ACOT11: variants seen among roughly 807,000 people sequenced by gnomAD.
ACOT11 encodes the protein acyl-CoA thioesterase 11.
In ACOT11, 69 loss-of-function variants were observed where a neutral mutation model predicts 77.5. The observed-to-expected ratio is 0.89, with a 90% confidence interval of 0.73 to 1.09. The LOEUF (loss-of-function observed/expected upper bound fraction) is 1.09, where lower values mean the gene tolerates loss of function less well. ACOT11 is among the 50% of genes least tolerant of loss of function. The pLI is 0.00. For missense variants in ACOT11, 766 were observed against 813.7 expected, an observed-to-expected ratio of 0.94 and a Z score of 0.71; for synonymous variants, 279 against 313.0, an observed-to-expected ratio of 0.89 and a Z score of 1.15.
Position 54,609,096 on chromosome 1 carries a change from G to C in ACOT11, c.1769G>C (p.Ser590Thr). ...GACAACCGGAATGATCTGGCCCCCA[G>C]CCTCCAGACCCTCTAGATGCCCTCA... The part of the protein sequence containing the change: ...LLDNRNDLAP[S>T]LQTL The change falls in exon 16 of 16, where the codon AGC becomes ACC. Residue 590 changes from serine to threonine, a missense_variant. Coordinates refer to ENST00000343744, the MANE Select transcript of ACOT11 (RefSeq NM_147161.4). 3 of 1,614,092 alleles carry C rather than the reference G, an allele frequency of 1.9e-6. No individual in the cohort carries two copies. Among genetic ancestry groups the C allele is most frequent in the Non-Finnish European group, 2.5e-6 (3 of 1,180,014 alleles).
Position 54,607,141 on chromosome 1 carries a change from GAGCTAGTGC to G in ACOT11, c.1382_1390del (p.Leu461_Gln463del). On this transcript the variant is annotated inframe_deletion, in exon 14 of 16. Coordinates refer to ENST00000343744, the MANE Select transcript of ACOT11 (RefSeq NM_147161.4). The surrounding 1 kb of genome is among the most constrained non-coding windows in gnomAD (Gnocchi z 4.5). The stretch of plus-strand genomic sequence containing the variant: ...ATCCCGGCCTCCCCACAGGAGCGTG[GAGCTAGTGC>G]AGCAGGTAGACGAGGACGACGCCAT... 1 of 1,614,110 alleles carries G rather than the reference GAGCTAGTGC, an allele frequency of 6.2e-7. No homozygotes were observed. Among genetic ancestry groups the G allele is most frequent in the Non-Finnish European group, 8.5e-7 (1 of 1,180,000 alleles).
intron 3 of ACOT11, among the ~76,000 whole-genome samples, chr1:54,591,567 G>A (rs1475853313): frequency 6.6e-6 from 1 of 152,216 alleles, no homozygotes; most frequent in Non-Finnish European, 1.5e-5. Flanking sequence ...CCAGAGAAGT[G>A]AAAGGACCTG....
rs1652947634 is a variant in ACOT11 at position 54,548,397 on chromosome 1, A to G, written c.33+55A>G. 4 of 1,563,670 alleles carry G rather than the reference A, an allele frequency of 2.6e-6. No homozygotes were observed. In the Admixed American group the frequency reaches 5.6e-5, roughly 22 times the overall value. On this transcript the variant is annotated intron_variant, in intron 1 of 15. Coordinates refer to ENST00000343744, the MANE Select transcript of ACOT11 (RefSeq NM_147161.4). ...GGCTCTGGAAGCTGGGCACCCAGAAAGAGATTGATGTTTCCATTTTAACTC... is the reference window on the plus strand; with the variant it reads ...GGCTCTGGAAGCTGGGCACCCAGAAGGAGATTGATGTTTCCATTTTAACTC...
chr1:54,567,628 C>T (rs2100956959), intron 1 of ACOT11, among the ~76,000 whole-genome samples: 1 of 152,192 alleles, frequency 6.6e-6, no homozygotes, highest in South Asian at 2.1e-4. Flanking sequence ...ATCTCCACGA[C>T]CAAGTCCCCT....
exon 17 of ACOT11, chr1:54,637,655 T>A (rs138130566): frequency 0.013 from 1,992 of 152,106 alleles, 42 homozygotes; most frequent in African/African-American, 0.045. Context: ...GGTGTGGTGG[T>A]GGGTGCCTGT....
At chr1:54,611,498 GCCTTCCC>G (rs1644117775), downstream of ACOT11, 1 of 1,162,248 alleles carries the variant, frequency 8.6e-7, no homozygotes, top group African/African-American at 1.5e-5. Flanking sequence ...TCCCACCCCG[GCCTTCCC>G]CCTTCTGATA....
rs901315632 is a variant in ACOT11 at position 54,623,459 on chromosome 1, G to C, written c.1630-7275G>C. On this transcript the variant is annotated intron_variant, in intron 15 of 16. Transcript: ENST00000371316. ...CCCAGAGTCCCTGAGGCTCCCTGCA[G>C]CTGGAATCCTGTGGGAGGCAGGAGC... 3.9e-6 allele frequency: 5 copies of C among 1,273,174 alleles called. No homozygotes were observed. In the Admixed American group the frequency reaches 8.9e-5, roughly 23 times the overall value. 78.9% of individuals were successfully genotyped at this position (1,273,174 alleles called of 1,614,324 possible).
intron 15 of ACOT11, chr1:54,615,983 G>T (rs750196655): frequency 3.7e-6 from 6 of 1,606,314 alleles, no homozygotes; most frequent in African/African-American, 2.7e-5. Flanking sequence ...GGGCCAGAGG[G>T]CTGGGGGCCG....
At chr1:54,565,801 C>A (rs1334927041) in intron 1 of ACOT11, among the ~76,000 whole-genome samples, 5 of 152,176 alleles carry the variant, frequency 3.3e-5, no homozygotes, top group Non-Finnish European at 5.9e-5. Context: ...ATGAACCAAC[C>A]AGCTTTAGTA....
At position 54,607,950 on chromosome 1, in the gene ACOT11, A is replaced by G. The variant is rs148513524; in HGVS notation, c.1511A>G (p.Tyr504Cys). ...ACCCTTCCTTCACTCAGGGACCCCT[A>G]TGTCATCGCGCTGAGGTCGGTCACG... ...RRKPCDNGDP[Y>C]VIALRSVTLP... The change falls in exon 15 of 16, where the codon TAT becomes TGT. Residue 504 changes from tyrosine (Y) to cysteine (C), a missense_variant. Coordinates refer to ENST00000343744, the MANE Select transcript of ACOT11 (RefSeq NM_147161.4). The surrounding 1 kb of genome is among the most constrained non-coding windows in gnomAD (Gnocchi z 4.5). 3.8e-4 allele frequency: 619 copies of G among 1,613,010 alleles called. No homozygotes were observed. Among genetic ancestry groups the G allele is most frequent in the Non-Finnish European group, 4.4e-4 (516 of 1,179,586 alleles).
chr1:54,606,424 G>C (rs575439740), intron 13 of ACOT11, among the ~76,000 whole-genome samples: 13 of 152,330 alleles, frequency 8.5e-5, no homozygotes, highest in Non-Finnish European at 1.5e-4. Context: ...GGTGGGTCTG[G>C]ACATGGCCAT....
At chr1:54,569,360 G>C in intron 1 of ACOT11, among the ~76,000 whole-genome samples, 1 of 152,032 alleles carries the variant, frequency 6.6e-6, no homozygotes, top group East Asian at 1.9e-4. Flanking sequence ...CACTTTACTA[G>C]GCCTCTTTCT....
chr1:54,633,713 T>A (rs574279902), intron 16 of ACOT11, among the ~76,000 whole-genome samples: 4 of 152,318 alleles, frequency 2.6e-5, no homozygotes, highest in African/African-American at 9.6e-5. Flanking sequence ...ATTAAATGAT[T>A]TTCAAAAATT....
At chr1:54,582,705 C>T (rs1189270679) in intron 1 of ACOT11, among the ~76,000 whole-genome samples, 1 of 152,116 alleles carries the variant, frequency 6.6e-6, no homozygotes, top group South Asian at 2.1e-4. Context: ...CCCTCGTCCT[C>T]GTGAGGGCTC....
intron 1 of ACOT11, among the ~76,000 whole-genome samples, chr1:54,582,088 A>T (rs1654331348): frequency 6.6e-6 from 1 of 152,178 alleles, no homozygotes; most frequent in South Asian, 2.1e-4. Flanking sequence ...AGTGTGCTTC[A>T]GGGGCCCTGC....
At chr1:54,604,026 G>A (rs761715885) in intron 11 of ACOT11, 89 bp downstream of exon 11, 201 of 1,215,798 alleles carry the variant, frequency 1.7e-4, no homozygotes, top group Admixed American at 1.4e-3. Context: ...GAGGAAGGCC[G>A]GGGAGAGCAG....
downstream of ACOT11, among the ~76,000 whole-genome samples, chr1:54,612,033 T>G (rs1644123802): frequency 3.3e-5 from 3 of 90,926 alleles, no homozygotes; most frequent in South Asian, 3.7e-4. Context: ...GCAGGACAGA[T>G]GGGGGAGGGT....
chr1:54,609,276 T>C lies in ACOT11; in HGVS notation c.*164T>C. 6.2e-7 allele frequency: 1 copy of C among 1,604,620 alleles called. No homozygotes were observed. The highest frequency in any genetic ancestry group is 8.5e-7 in the Non-Finnish European group (1 of 1,173,424). On this transcript the variant is annotated 3_prime_UTR_variant, in exon 16 of 16. Coordinates refer to ENST00000343744, the MANE Select transcript of ACOT11 (RefSeq NM_147161.4). Reference sequence around the variant, plus strand: ...CCACCACCCCTGGGTGCTCAGTTTCTACCAACATGAGCCAGCAAGTCCTTG... The same window carrying C: ...CCACCACCCCTGGGTGCTCAGTTTCCACCAACATGAGCCAGCAAGTCCTTG...
intron 15 of ACOT11, among the ~76,000 whole-genome samples, chr1:54,624,562 G>T (rs1473548357): frequency 6.6e-6 from 1 of 152,166 alleles, no homozygotes; most frequent in Admixed American, 6.5e-5. Flanking sequence ...GATGGAGGCT[G>T]ACTTCTGGGG....
Sources: gnomAD v4.1 joint callset for allele counts (sites outside exome capture counted in the v4.1 genomes callset) on GRCh38, gnomAD v4.1.1 for gene constraint, Gnocchi (gnomAD v3.1) non-coding constraint, MANE v1.5 for transcripts, NCBI Gene and HGNC (gene_info 2026-07-23, HGNC 2026-07-21) for gene names.